Variants in ZCCHC7 observed in about 807,000 individuals in gnomAD.
ZCCHC7 encodes zinc finger CCHC domain-containing protein 7.
A neutral mutation model predicts 52.0 loss-of-function variants in ZCCHC7; 35 were observed. The ratio of observed to expected loss-of-function variants is 0.67; its 90% confidence interval spans 0.51 to 0.89. The LOEUF (loss-of-function observed/expected upper bound fraction) is 0.89. ZCCHC7 is among the 40% of genes least tolerant of loss of function. ZCCHC7 has a pLI of 0.00. For missense variants in ZCCHC7, 574 were observed against 649.1 expected (o/e 0.88, Z 1.26); for synonymous variants, 217 against 221.5 (o/e 0.98, Z 0.18).
chr9:37,341,962 T>A (rs1820664275), intron 6 of ZCCHC7, among the ~76,000 whole-genome samples: 1 of 152,178 alleles, frequency 6.6e-6, no homozygotes, highest in Non-Finnish European at 1.5e-5. Context: ...GTAAAGTTTT[T>A]GGCTTTTTCT....
intron 2 of ZCCHC7, among the ~76,000 whole-genome samples, chr9:37,160,828 G>C (rs1397549459): frequency 6.6e-6 from 1 of 152,276 alleles, no homozygotes; most frequent in East Asian, 1.9e-4. Flanking sequence ...CGAGGTTGCA[G>C]TGAACCGAGA....
At chr9:37,296,649 A>G (rs1828795929) in intron 2 of ZCCHC7, among the ~76,000 whole-genome samples, 1 of 149,488 alleles carries the variant, frequency 6.7e-6, no homozygotes, top group Non-Finnish European at 1.5e-5. Context: ...CACACAGATT[A>G]TTTGGGGATA....
Position 37,164,498 on chromosome 9 carries a change from T to TAGATAGATAGATAGATAGATAGACAGAC in ZCCHC7, c.610+37559_610+37560insTAGATAGATAGATAGATAGACAGACAGA, listed in dbSNP as rs755789110. ...ATAGATAGATAGATAGATAGATAGA[T>TAGATAGATAGATAGATAGATAGACAGAC]AGACAGACAAGATAGATAGACTCTG... On this transcript the variant is annotated intron_variant, in intron 2 of 8. Coordinates refer to ENST00000336755, the MANE Select transcript of ZCCHC7 (RefSeq NM_032226.3). 4.4e-5 allele frequency among the ~76,000 whole-genome samples: 6 copies of TAGATAGATAGATAGATAGATAGACAGAC among 135,006 alleles called. No individual in the cohort carries two copies. The East Asian group carries it at 6.3e-4, about 14-fold the overall frequency. The allele number at this position is 135,006 out of a possible 152,430, so 88.6% of individuals were successfully genotyped here.
At chr9:37,263,668 G>A (rs989544627) in intron 2 of ZCCHC7, among the ~76,000 whole-genome samples, 1 of 151,976 alleles carries the variant, frequency 6.6e-6, no homozygotes, top group Non-Finnish European at 1.5e-5. Context: ...TTTTCACGTG[G>A]CAAATTTCAT....
chr9:37,304,187 G>A lies in ZCCHC7; in HGVS notation c.655-1G>A. 1 of 1,600,276 alleles carries A rather than the reference G, an allele frequency of 6.2e-7. No homozygotes were observed. The highest frequency in any genetic ancestry group is 1.4e-5 in the African/African-American group (1 of 73,442). On this transcript the variant is annotated splice_acceptor_variant, in intron 3 of 8. Coordinates refer to ENST00000336755, the MANE Select transcript of ZCCHC7 (RefSeq NM_032226.3). LOFTEE classifies it high-confidence loss of function. ...TAATTCTTGATTTTTTTTTCCCTTA[G>A]GCCCAGATAGCTAATAACCGAACAC... is the stretch of plus-strand genomic sequence containing the variant.
At chr9:37,303,266 A>G (rs1829121593) in intron 3 of ZCCHC7, among the ~76,000 whole-genome samples, 1 of 151,992 alleles carries the variant, frequency 6.6e-6, no homozygotes, top group Non-Finnish European at 1.5e-5. Flanking sequence ...CTCTACTGAA[A>G]ATACAAAAAT....
At chr9:37,232,151 G>C (rs1215760153) in intron 2 of ZCCHC7, among the ~76,000 whole-genome samples, 1 of 152,206 alleles carries the variant, frequency 6.6e-6, no homozygotes, top group South Asian at 2.1e-4. Context: ...GTACTAAGCA[G>C]TTACTGTGTA....
Position 37,357,438 on chromosome 9 carries a change from T to A in ZCCHC7, c.*170T>A, listed in dbSNP as rs1564278132. The stretch of plus-strand genomic sequence containing the variant: ...TGAATATCCATGGAGATCTCAATTC[T>A]CTGTGTCCAACAGGATATTAGGTAA... On this transcript the variant is annotated 3_prime_UTR_variant, in exon 9 of 9. Coordinates refer to ENST00000336755, the MANE Select transcript of ZCCHC7 (RefSeq NM_032226.3). 3 of 542,206 alleles carry A rather than the reference T, an allele frequency of 5.5e-6. No homozygotes were observed. In the East Asian group the frequency reaches 9.3e-5, roughly 17 times the overall value. The allele number at this position is 542,206 out of a possible 1,614,324, so 33.6% of individuals were successfully genotyped here. A position where few individuals can be genotyped will look rare whatever the true frequency, so the allele number is the denominator to read the frequency against.
intron 2 of ZCCHC7, among the ~76,000 whole-genome samples, chr9:37,206,484 T>C (rs1823923918): frequency 6.6e-6 from 1 of 152,046 alleles, no homozygotes; most frequent in East Asian, 1.9e-4. Context: ...CCCGAGTAGC[T>C]GGGACTACAA....
At chr9:37,244,981 A>G (rs1282935352) in intron 2 of ZCCHC7, among the ~76,000 whole-genome samples, 2 of 151,974 alleles carry the variant, frequency 1.3e-5, no homozygotes, top group Admixed American at 1.3e-4. Flanking sequence ...ATATGAGTAT[A>G]TAAACCCCTT....
intron 2 of ZCCHC7, among the ~76,000 whole-genome samples, chr9:37,254,123 A>G (rs1384102672): frequency 2.0e-5 from 3 of 152,042 alleles, no homozygotes; most frequent in Non-Finnish European, 4.4e-5. Context: ...TTTCAGGTAT[A>G]TGGCAGTTAT....
At chr9:37,278,790 G>C (rs1827811745) in intron 2 of ZCCHC7, among the ~76,000 whole-genome samples, 1 of 152,210 alleles carries the variant, frequency 6.6e-6, no homozygotes, top group Non-Finnish European at 1.5e-5. Flanking sequence ...AAAGTGCTTA[G>C]GGAAGGAGAG....
intron 6 of ZCCHC7, among the ~76,000 whole-genome samples, chr9:37,337,182 G>T (rs1830709931): frequency 6.6e-6 from 1 of 152,200 alleles, no homozygotes; most frequent in Non-Finnish European, 1.5e-5. Flanking sequence ...ATAAAATGTG[G>T]CAAATAGATT....
At chr9:37,251,619 G>A (rs1390280332) in intron 2 of ZCCHC7, among the ~76,000 whole-genome samples, 1 of 152,168 alleles carries the variant, frequency 6.6e-6, no homozygotes, top group Non-Finnish European at 1.5e-5. Context: ...GGACAAAAAG[G>A]ATTGAAAGTT....
chr9:37,227,042 A>C (rs1253991903), intron 2 of ZCCHC7, among the ~76,000 whole-genome samples: 1 of 151,964 alleles, frequency 6.6e-6, no homozygotes, highest in East Asian at 1.9e-4. Context: ...AAAAAAAAAA[A>C]AAAACCAGGA....
At chr9:37,348,827 T>G (rs1821183331) in intron 6 of ZCCHC7, among the ~76,000 whole-genome samples, 1 of 152,252 alleles carries the variant, frequency 6.6e-6, no homozygotes, top group Non-Finnish European at 1.5e-5. Context: ...TTTGGCAGCA[T>G]GTATGCTCTT....
chr9:37,289,671 A>G (rs1335648574), intron 2 of ZCCHC7, among the ~76,000 whole-genome samples: 1 of 152,142 alleles, frequency 6.6e-6, no homozygotes, highest in Admixed American at 6.5e-5. Context: ...TCTTTGAGTT[A>G]TAAGTCAAAT....
At chr9:37,194,144 T>G (rs899129200) in intron 2 of ZCCHC7, among the ~76,000 whole-genome samples, 1 of 152,282 alleles carries the variant, frequency 6.6e-6, no homozygotes, top group East Asian at 1.9e-4. Flanking sequence ...AGACAAACTC[T>G]AAAAAATTGG....
rs1467968113 is a variant in ZCCHC7 at position 37,269,631 on chromosome 9, A to C, written c.611-32557A>C. ...GAGACTCTGTCTCAAAAAAAAAAAAAAAAAAAAAAAAAAAACAAAAGAAGT... is the reference window on the plus strand; with the variant it reads ...GAGACTCTGTCTCAAAAAAAAAAAACAAAAAAAAAAAAAAACAAAAGAAGT... On this transcript the variant is annotated intron_variant, in intron 2 of 8. Transcript: ENST00000336755. Among the ~76,000 whole-genome samples the C allele has an allele frequency of 9.4e-5, 14 of 148,806 alleles. No homozygotes were observed. In the South Asian group the frequency reaches 1.9e-3, roughly 20 times the overall value.
Sources: gnomAD v4.1 joint callset for allele counts (sites outside exome capture counted in the v4.1 genomes callset) on GRCh38, gnomAD v4.1.1 for gene constraint, MANE v1.5 for transcripts, NCBI Gene and HGNC (gene_info 2026-07-23, HGNC 2026-07-21) for gene names.